Variants in MEGF8 observed in about 807,000 individuals in gnomAD.
MEGF8 encodes multiple epidermal growth factor-like domains protein 8.
A neutral mutation model predicts 302.9 loss-of-function variants in MEGF8; 156 were observed. That is an observed-to-expected ratio of 0.52 (90% CI 0.45 to 0.59). The LOEUF is 0.59. Ranked by LOEUF, MEGF8 falls within the 20% of genes least tolerant of loss-of-function variation. The pLI is 0.00. For synonymous variants in MEGF8, 1,621 were observed against 1,660.5 expected, an observed-to-expected ratio of 0.98 and a Z score of 0.58; for missense variants, 3,345 against 3,964.5, an observed-to-expected ratio of 0.84 and a Z score of 4.20.
At position 42,359,242 on chromosome 19, in the gene MEGF8, C is replaced by T. The variant is rs778451338; in HGVS notation, c.5488C>T (p.Arg1830Cys). The change falls in exon 31 of 42, where the codon CGC becomes TGC. Residue 1830 changes from arginine (R) to cysteine (C), a missense_variant and splice_region_variant. Coordinates refer to ENST00000251268, the MANE Select transcript of MEGF8 (RefSeq NM_001271938.2). Reference protein sequence around the residue: ...CNAWLLPDLTRSASVGPPMEE... With the variant: ...CNAWLLPDLTCSASVGPPMEE... ...TGCCTGGCTTCTGCCCGACCTCACC[C>T]GTAAGTCCCCATTGTGGCTCCCAGG... is the stretch of plus-strand genomic sequence containing the variant. 48 of 1,554,460 alleles carry T rather than the reference C, an allele frequency of 3.1e-5. No homozygotes were observed. Among genetic ancestry groups the T allele is most frequent in the Admixed American group, 3.9e-5 (2 of 50,734 alleles).
At position 42,356,709 on chromosome 19, in the gene MEGF8, C is replaced by T; in HGVS notation, c.4623-65C>T. On this transcript the variant is annotated intron_variant, in intron 26 of 41. Transcript: ENST00000251268. This position sits in a 1 kb window ranked among gnomAD's most constrained non-coding sequence, Gnocchi z 5.2. Reference sequence around the variant, plus strand: ...AGGGGATGCGGGGACATCTGTCAGGCAGGGTCACCTTGAAGGATGCTGGGA... The same window carrying T: ...AGGGGATGCGGGGACATCTGTCAGGTAGGGTCACCTTGAAGGATGCTGGGA... The T allele has an allele frequency of 6.8e-7, 1 of 1,464,698 alleles. No homozygotes were observed. Among genetic ancestry groups the T allele is most frequent in the Non-Finnish European group, 9.2e-7 (1 of 1,089,416 alleles). 90.7% of individuals were successfully genotyped at this position (1,464,698 alleles called of 1,614,324 possible). A position where few individuals can be genotyped will look rare whatever the true frequency, so the allele number is the denominator to read the frequency against.
chr19:42,329,278 A>G (rs902420748), intron 1 of MEGF8, among the ~76,000 whole-genome samples: 6 of 152,154 alleles, frequency 3.9e-5, no homozygotes, highest in Non-Finnish European at 7.4e-5. Context: ...GAGCAGGAGT[A>G]GGGCATTGCC....
chr19:42,341,159 C>T (rs1156662175), intron 8 of MEGF8, among the ~76,000 whole-genome samples: 1 of 152,018 alleles, frequency 6.6e-6, no homozygotes, highest in Non-Finnish European at 1.5e-5. Flanking sequence ...TGGCCAGGCA[C>T]TGTGGCTCAT....
intron 41 of MEGF8, among the ~76,000 whole-genome samples, chr19:42,372,654 T>A (rs1005397296): frequency 4.0e-5 from 6 of 151,434 alleles, no homozygotes; most frequent in African/African-American, 1.5e-4. Context: ...GCTTTTTTAT[T>A]TTTTTTTTAA....
chr19:42,370,242 C>T lies in MEGF8; in HGVS notation c.6888C>T (p.Gly2296=), dbSNP rs35019445. 1.0e-4 allele frequency: 165 copies of T among 1,613,306 alleles called. No homozygotes were observed. The highest frequency in any genetic ancestry group is 2.9e-4 in the East Asian group (13 of 44,878). Residue 2296 remains glycine, a synonymous_variant, in exon 39 of 42, where the codon GGC becomes GGT. Transcript: ENST00000251268. ...TGTTTGTGGGTTCAGCTGTCGGAGGCGGGACCTGCCGGCCCTGCCACGCCT... is the reference window on the plus strand; with the variant it reads ...TGTTTGTGGGTTCAGCTGTCGGAGGTGGGACCTGCCGGCCCTGCCACGCCT... The part of the protein sequence containing the change: ...LPLFVGSAVG[G]GTCRPCHAFC...
At chr19:42,341,635 G>A (rs903048908) in intron 8 of MEGF8, among the ~76,000 whole-genome samples, 1 of 152,034 alleles carries the variant, frequency 6.6e-6, no homozygotes, top group Non-Finnish European at 1.5e-5. Flanking sequence ...TTTAGAGATA[G>A]GGTCTTGCTG....
rs1250541861 is a variant in MEGF8, at chr19:42,335,383, C to T, written c.826C>T (p.Pro276Ser). 2 of 1,613,882 alleles carry T rather than the reference C, an allele frequency of 1.2e-6. No individual in the cohort carries two copies. Among genetic ancestry groups the T allele is most frequent in the Admixed American group, 1.7e-5 (1 of 60,028 alleles). ...TWESWDLSPA[P>S]AARHSHVAVA... ...GGAGTCTTGGGACCTGAGTCCTGCCCCGGTATGGACCCCTCCTCTGCCCTG... is the reference window on the plus strand; with the variant it reads ...GGAGTCTTGGGACCTGAGTCCTGCCTCGGTATGGACCCCTCCTCTGCCCTG... Residue 276 changes from proline to serine, a missense_variant and splice_region_variant, in exon 5 of 42, where the codon CCG (proline) becomes TCG (serine). Coordinates refer to ENST00000251268, the MANE Select transcript of MEGF8 (RefSeq NM_001271938.2).
chr19:42,378,002 T>G lies in MEGF8; in HGVS notation c.*1227T>G, dbSNP rs776268489. On this transcript the variant is annotated 3_prime_UTR_variant, in exon 42 of 42. Transcript: ENST00000251268. ...CACGATGACCCCTAGCTTTGTGGCC[T>G]GAACTGTGGGTGGCTGAGGGGATCG... is the stretch of plus-strand genomic sequence containing the variant. 1.3e-5 allele frequency: 2 copies of G among 152,248 alleles called. No individual in the cohort carries two copies. Among genetic ancestry groups the G allele is most frequent in the Non-Finnish European group, 2.9e-5 (2 of 68,084 alleles). The allele number at this position is 152,248 out of a possible 1,614,324, so 9.4% of individuals were successfully genotyped here.
At chr19:42,328,255 A>G (rs1162325671) in intron 1 of MEGF8, among the ~76,000 whole-genome samples, 1 of 152,216 alleles carries the variant, frequency 6.6e-6, no homozygotes, top group Non-Finnish European at 1.5e-5. Context: ...GGAAGGCCTC[A>G]CAGAGTAGTG....
At chr19:42,330,649 C>T (rs1373241633) in intron 1 of MEGF8, among the ~76,000 whole-genome samples, 1 of 152,152 alleles carries the variant, frequency 6.6e-6, no homozygotes, top group Non-Finnish European at 1.5e-5. Flanking sequence ...TTGCCAAGCC[C>T]GGGTCTGGGC....
Position 42,376,661 on chromosome 19 carries a change from C to T in MEGF8, c.8424C>T (p.His2808=). 1.3e-6 allele frequency: 2 copies of T among 1,536,008 alleles called. No individual in the cohort carries two copies. Among genetic ancestry groups the T allele is most frequent in the Non-Finnish European group, 1.8e-6 (2 of 1,142,648 alleles). The change falls in exon 42 of 42, where the codon CAC becomes CAT. Residue 2808 remains histidine (H), a synonymous_variant. Coordinates refer to ENST00000251268, the MANE Select transcript of MEGF8 (RefSeq NM_001271938.2). The surrounding 1 kb of genome is among the most constrained non-coding windows in gnomAD (Gnocchi z 8.2). ...CLGSALVTLR[H]RLHEYCGGGG... ...GGTCAGCCCTCGTCACACTGCGGCA[C>T]AGGCTGCACGAGTACTGTGGGGGTG...
chr19:42,354,817 C>A lies in MEGF8; in HGVS notation c.4144+97C>A. The A allele has an allele frequency of 1.5e-6, 2 of 1,340,936 alleles. No individual in the cohort carries two copies. The highest frequency in any genetic ancestry group is 1.4e-5 in the South Asian group (1 of 69,464). 83.1% of individuals were successfully genotyped at this position (1,340,936 alleles called of 1,614,324 possible). On this transcript the variant is annotated intron_variant, in intron 23 of 41. Coordinates refer to ENST00000251268, the MANE Select transcript of MEGF8 (RefSeq NM_001271938.2). This position sits in a 1 kb window ranked among gnomAD's most constrained non-coding sequence, Gnocchi z 4.3. ...GAAGTGGGCTCAGGACCCAGCTCTG[C>A]CGCTGCTTATGGGGTGATGTAGTCC...
Position 42,370,502 on chromosome 19 carries a change from G to A in MEGF8, c.7005+143G>A. On this transcript the variant is annotated intron_variant, in intron 39 of 41. Coordinates refer to ENST00000251268, the MANE Select transcript of MEGF8 (RefSeq NM_001271938.2). ...GGCCTGGATTCCTGGGTCTGAGAGAGTAGAGGTGGGGGTCTTGAACTCCTG... is the reference window on the plus strand; with the variant it reads ...GGCCTGGATTCCTGGGTCTGAGAGAATAGAGGTGGGGGTCTTGAACTCCTG... 4 of 918,376 alleles carry A rather than the reference G, an allele frequency of 4.4e-6. No homozygotes were observed. The South Asian group carries it at 6.8e-5, about 16-fold the overall frequency. 56.9% of individuals were successfully genotyped at this position (918,376 alleles called of 1,614,324 possible). A position where few individuals can be genotyped will look rare whatever the true frequency, so the allele number is the denominator to read the frequency against.
intron 1 of MEGF8, 123 bp from the exon 2 acceptor site, chr19:42,333,482 G>A: frequency 1.8e-6 from 2 of 1,118,922 alleles, no homozygotes; most frequent in Non-Finnish European, 2.5e-6. Flanking sequence ...GCCCAGGTCT[G>A]ACTCATTCTT....
rs1345161858 is a variant in MEGF8 at position 42,376,423 on chromosome 19, A to G, written c.8186A>G (p.Glu2729Gly). 1 of 1,612,296 alleles carries G rather than the reference A, an allele frequency of 6.2e-7. No homozygotes were observed. Among genetic ancestry groups the G allele is most frequent in the East Asian group, 2.2e-5 (1 of 44,836 alleles). ...GLPPPAFRRS[E>G]PFLAPLLLTG... is the part of the protein sequence containing the mutation. ...CCACCTCCCGCCTTCCGCCGCTCTGAGCCCTTCCTGGCACCCCTGCTGCTG... is the reference window on the plus strand; with the variant it reads ...CCACCTCCCGCCTTCCGCCGCTCTGGGCCCTTCCTGGCACCCCTGCTGCTG... Residue 2729 changes from glutamate to glycine, a missense_variant, in exon 42 of 42, where the codon GAG becomes GGG. Glu to Gly is a moderately conservative substitution (Grantham distance 98). Coordinates refer to ENST00000251268, the MANE Select transcript of MEGF8 (RefSeq NM_001271938.2). This position sits in a 1 kb window ranked among gnomAD's most constrained non-coding sequence, Gnocchi z 8.2.
intron 39 of MEGF8, 97 bp downstream of exon 39, chr19:42,370,456 G>A: frequency 8.9e-7 from 1 of 1,129,890 alleles, no homozygotes; most frequent in African/African-American, 1.6e-5. Flanking sequence ...GGACCCTTGG[G>A]TTGAGGGAGG....
At position 42,369,824 on chromosome 19, in the gene MEGF8, A is replaced by G. The variant is rs1270217108; in HGVS notation, c.6834+101A>G. The G allele has an allele frequency of 1.5e-6, 2 of 1,306,142 alleles. No homozygotes were observed. The highest frequency in any genetic ancestry group is 2.2e-5 in the Admixed American group (1 of 46,014). The allele number at this position is 1,306,142 out of a possible 1,614,324, so 80.9% of individuals were successfully genotyped here. A position where few individuals can be genotyped will look rare whatever the true frequency, so the allele number is the denominator to read the frequency against. ...CTCGCATCTCATCCTGAGCCCTGATAAGCCAGGGACAGATAAGCCAGAGCC... is the reference window on the plus strand; with the variant it reads ...CTCGCATCTCATCCTGAGCCCTGATGAGCCAGGGACAGATAAGCCAGAGCC... On this transcript the variant is annotated intron_variant, in intron 38 of 41. Transcript: ENST00000251268. This position sits in a 1 kb window ranked among gnomAD's most constrained non-coding sequence, Gnocchi z 5.7.
chr19:42,353,685 C>G lies in MEGF8; in HGVS notation c.3761+10C>G, dbSNP rs754713142. The stretch of plus-strand genomic sequence containing the variant: ...ATTATGGGGATCCCCGGTGAGCCAA[C>G]GGGCCAGCCAGGGCTGGGTAGGGTG... On this transcript the variant is annotated intron_variant, in intron 21 of 41. Coordinates refer to ENST00000251268, the MANE Select transcript of MEGF8 (RefSeq NM_001271938.2). The surrounding 1 kb of genome is among the most constrained non-coding windows in gnomAD (Gnocchi z 6.1). The G allele has an allele frequency of 6.3e-7, 1 of 1,576,470 alleles. No homozygotes were observed. The highest frequency in any genetic ancestry group is 8.6e-7 in the Non-Finnish European group (1 of 1,156,506).
Position 42,325,986 on chromosome 19 carries a change from C to G in MEGF8, c.-258C>G, listed in dbSNP as rs965142805. Reference sequence around the variant, plus strand: ...TGTCTATAGGGGACTCCTACGGTCCCTAGGGTTCGGCCCCGTCCATAATGA... The same window carrying G: ...TGTCTATAGGGGACTCCTACGGTCCGTAGGGTTCGGCCCCGTCCATAATGA... On this transcript the variant is annotated 5_prime_UTR_variant, in exon 1 of 42. Coordinates refer to ENST00000251268, the MANE Select transcript of MEGF8 (RefSeq NM_001271938.2). 1 of 453,864 alleles carries G rather than the reference C, an allele frequency of 2.2e-6. No individual in the cohort carries two copies. Among genetic ancestry groups the G allele is most frequent in the African/African-American group, 2.0e-5 (1 of 48,980 alleles). 28.1% of individuals were successfully genotyped at this position (453,864 alleles called of 1,614,324 possible).
Sources: allele counts gnomAD v4.1 joint callset (sites outside exome capture counted in the v4.1 genomes callset), GRCh38; gene constraint gnomAD v4.1.1; non-coding constraint Gnocchi (gnomAD v3.1); transcripts MANE v1.5; gene names NCBI Gene and HGNC (gene_info 2026-07-23, HGNC 2026-07-21).